The following GID4 variants were observed in gnomAD, a reference collection of about 807,000 sequenced individuals.
The protein encoded by GID4 is GID complex subunit 4 homolog.
Under a neutral mutation model 32.4 loss-of-function variants are expected in GID4, and 7 were observed. That is an observed-to-expected ratio of 0.22 (90% CI 0.12 to 0.41). The LOEUF (loss-of-function observed/expected upper bound fraction) is 0.41. Ranked by LOEUF, GID4 falls within the 10% of genes least tolerant of loss-of-function variation. The pLI is 1.00. For missense variants in GID4, 309 were observed against 400.0 expected (o/e 0.77, Z 1.94); for synonymous variants, 166 against 170.0 (o/e 0.98, Z 0.18).
chr17:18,039,501 C>T lies in GID4; in HGVS notation c.37C>T (p.Leu13Phe). Residue 13 changes from leucine to phenylalanine, a missense_variant, in exon 1 of 6, where the codon CTC (leucine) becomes TTC (phenylalanine). Leu to Phe is a conservative substitution (Grantham distance 22). Around this residue, in one of 2 missense-constraint regions of GID4, gnomAD observed 193 missense variants for 185.8 expected, o/e 1.04. Coordinates refer to ENST00000268719, the MANE Select transcript of GID4 (RefSeq NM_024052.5). This position sits in a 1 kb window ranked among gnomAD's most constrained non-coding sequence, Gnocchi z 5.3. ...AGGGCAAGTCGGGAGGGGGACCCAG[C>T]TCAGGACTGGGAGGCCCTGCTCGCA... ...ARGQVGRGTQ[L>F]RTGRPCSQVP... The T allele has an allele frequency of 1.5e-6, 2 of 1,332,914 alleles. No individual in the cohort carries two copies. Among genetic ancestry groups the T allele is most frequent in the South Asian group, 4.3e-5 (2 of 47,052 alleles). 82.6% of individuals were successfully genotyped at this position (1,332,914 alleles called of 1,614,324 possible).
At chr17:18,042,330 A>G (rs2044811014) in intron 1 of GID4, among the ~76,000 whole-genome samples, 1 of 152,070 alleles carries the variant, frequency 6.6e-6, no homozygotes, top group Non-Finnish European at 1.5e-5. Flanking sequence ...CCCCACTCCA[A>G]TCCTAGGCAA....
intron 5 of GID4, among the ~76,000 whole-genome samples, chr17:18,063,152 C>T (rs1489631480): frequency 7.5e-6 from 1 of 133,674 alleles, no homozygotes; most frequent in East Asian, 2.5e-4. Flanking sequence ...TAGCTCACGC[C>T]TGTAATCCCA....
chr17:18,049,234 G>T lies in GID4; in HGVS notation c.498+4028G>T, dbSNP rs368401160. Reference sequence around the variant, plus strand: ...ACCTGTAATCCCAGCTACTCAGGAGGCTGAGGCAAGAGAATCGCTTGAACC... The same window carrying T: ...ACCTGTAATCCCAGCTACTCAGGAGTCTGAGGCAAGAGAATCGCTTGAACC... On this transcript the variant is annotated intron_variant, in intron 2 of 5. Transcript: ENST00000268719. Among the ~76,000 whole-genome samples the T allele has an allele frequency of 3.4e-4, 51 of 151,536 alleles. No individual in the cohort carries two copies. In the East Asian group the frequency reaches 9.1e-3, roughly 27 times the overall value.
At chr17:18,052,193 A>G (rs898802909) in intron 2 of GID4, among the ~76,000 whole-genome samples, 4 of 152,076 alleles carry the variant, frequency 2.6e-5, no homozygotes, top group African/African-American at 9.7e-5. Context: ...TGAAGAATCC[A>G]GCAACAGTGT....
Position 18,039,683 on chromosome 17 carries a change from C to T in GID4, c.219C>T (p.Leu73=). The part of the protein sequence containing the change: ...SRAAAAVPLP[L]PPALAPGDPA... ...CGGCGGCGGCGGTTCCTCTCCCACT[C>T]CCCCCAGCCCTGGCTCCGGGGGACC... Residue 73 remains leucine, a synonymous_variant, in exon 1 of 6, where the codon CTC becomes CTT. Coordinates refer to ENST00000268719, the MANE Select transcript of GID4 (RefSeq NM_024052.5). This position sits in a 1 kb window ranked among gnomAD's most constrained non-coding sequence, Gnocchi z 5.3. 7.0e-7 allele frequency: 1 copy of T among 1,418,630 alleles called. No individual in the cohort carries two copies. Among genetic ancestry groups the T allele is most frequent in the Non-Finnish European group, 9.2e-7 (1 of 1,084,202 alleles). The allele number at this position is 1,418,630 out of a possible 1,614,324, so 87.9% of individuals were successfully genotyped here.
At chr17:18,042,639 A>G (rs1373332677) in intron 1 of GID4, among the ~76,000 whole-genome samples, 1 of 152,204 alleles carries the variant, frequency 6.6e-6, no homozygotes, top group Non-Finnish European at 1.5e-5. Context: ...ACAAGTTTTT[A>G]TGTGGATGTA....
intron 2 of GID4, among the ~76,000 whole-genome samples, chr17:18,049,891 A>G (rs1416799371): frequency 2.6e-5 from 4 of 152,080 alleles, no homozygotes. Flanking sequence ...CAGCCTCCCA[A>G]AGTGCTGGGA....
At chr17:18,042,452 C>T (rs2044812061) in intron 1 of GID4, among the ~76,000 whole-genome samples, 1 of 152,192 alleles carries the variant, frequency 6.6e-6, no homozygotes, top group South Asian at 2.1e-4. Context: ...CCTCAAGGTT[C>T]ATCCATATGG....
At chr17:18,041,286 CTTAGT>C (rs912478415) in intron 1 of GID4, among the ~76,000 whole-genome samples, 1 of 152,046 alleles carries the variant, frequency 6.6e-6, no homozygotes, top group Non-Finnish European at 1.5e-5. Flanking sequence ...TAAAACAAAT[CTTAGT>C]TTCACTTCTG....
rs1305917684 is a variant in GID4, at chr17:18,065,761, A to T, written c.*518A>T. 1 of 191,858 alleles carries T rather than the reference A, an allele frequency of 5.2e-6. No homozygotes were observed. The highest frequency in any genetic ancestry group is 1.1e-5 in the Non-Finnish European group (1 of 92,442). 11.9% of individuals were successfully genotyped at this position (191,858 alleles called of 1,614,324 possible). On this transcript the variant is annotated 3_prime_UTR_variant, in exon 6 of 6. Coordinates refer to ENST00000268719, the MANE Select transcript of GID4 (RefSeq NM_024052.5). Reference sequence around the variant, plus strand: ...TGCCGCATCATCGGCCACCAAGGGCACAAGAGGCGGAGGCTCCAGTCCCTG... The same window carrying T: ...TGCCGCATCATCGGCCACCAAGGGCTCAAGAGGCGGAGGCTCCAGTCCCTG...
chr17:18,056,693 C>T lies in GID4; in HGVS notation c.607-2175C>T. The T allele has an allele frequency of 2.6e-6, 4 of 1,542,064 alleles. No homozygotes were observed. The East Asian group carries it at 7.4e-5, about 28-fold the overall frequency. On this transcript the variant is annotated intron_variant, in intron 3 of 5. Coordinates refer to ENST00000268719, the MANE Select transcript of GID4 (RefSeq NM_024052.5). ...AAGCAACTCTTAATTTTCCCATTGA[C>T]TTCCGTTAGAACATTGGAAGATATC... is the stretch of plus-strand genomic sequence containing the variant.
chr17:18,057,152 C>T, intron 3 of GID4: 1 of 1,272,786 alleles, frequency 7.9e-7, no homozygotes, highest in East Asian at 2.5e-5. Flanking sequence ...CTATGTGACA[C>T]CAGGTGTGGT....
chr17:18,046,922 CAAAAAAAAAAAAA>C (rs71155311), intron 2 of GID4, among the ~76,000 whole-genome samples: 1 of 115,768 alleles, frequency 8.6e-6, no homozygotes, highest in African/African-American at 3.3e-5. Flanking sequence ...AACTTTGTCT[CAAAAAAAAAAAAA>C]AAAAAAAAAA....
intron 3 of GID4, among the ~76,000 whole-genome samples, chr17:18,055,797 T>C (rs533764214): frequency 6.7e-6 from 1 of 148,516 alleles, no homozygotes; most frequent in African/African-American, 2.5e-5. Context: ...CCTGTTTTTT[T>C]GGTTTTTCTT....
Position 18,039,443 on chromosome 17 carries a change from CTGTGAGTGTCTGTGTGTGTG to C in GID4, c.-20_-1del. The C allele has an allele frequency of 7.3e-7, 1 of 1,375,028 alleles. No homozygotes were observed. Among genetic ancestry groups the C allele is most frequent in the South Asian group, 1.7e-5 (1 of 59,206 alleles). 85.2% of individuals were successfully genotyped at this position (1,375,028 alleles called of 1,614,324 possible). On this transcript the variant is annotated 5_prime_UTR_variant, in exon 1 of 6. Transcript: ENST00000268719. The surrounding 1 kb of genome is among the most constrained non-coding windows in gnomAD (Gnocchi z 5.3). Reference sequence around the variant, plus strand: ...CTGTGTGTGTTTGTGTGTTGTGTGTCTGTGAGTGTCTGTGTGTGTGTATGTGTGCGCGAGGGCAAGTCGGG... The same window carrying C: ...CTGTGTGTGTTTGTGTGTTGTGTGTCTATGTGTGCGCGAGGGCAAGTCGGG...
At chr17:18,044,532 A>C (rs1331375679) in intron 1 of GID4, among the ~76,000 whole-genome samples, 1 of 152,226 alleles carries the variant, frequency 6.6e-6, no homozygotes, top group East Asian at 1.9e-4. Flanking sequence ...CACAGAGTGA[A>C]CATTCACAAT....
At position 18,048,514 on chromosome 17, in the gene GID4, G is replaced by A. The variant is rs551641929; in HGVS notation, c.498+3308G>A. 1.2e-4 allele frequency among the ~76,000 whole-genome samples: 18 copies of A among 152,246 alleles called. 1 individual carries two copies. Among genetic ancestry groups the A allele is most frequent in the Non-Finnish European group, 4.4e-5 (3 of 68,012 alleles). ...AGCCTGATAACTTTTAAAATTATAAGTCTAGTATATGGTTGCCGTAGATAA... is the reference window on the plus strand; with the variant it reads ...AGCCTGATAACTTTTAAAATTATAAATCTAGTATATGGTTGCCGTAGATAA... On this transcript the variant is annotated intron_variant, in intron 2 of 5. Transcript: ENST00000268719.
chr17:18,041,803 G>C (rs904553882), intron 1 of GID4, among the ~76,000 whole-genome samples: 2 of 152,182 alleles, frequency 1.3e-5, no homozygotes, highest in African/African-American at 4.8e-5. Flanking sequence ...CTGTCATTAG[G>C]GTATCACTTC....
rs945102470 is a variant in GID4, at chr17:18,067,283, G to A, written c.*2040G>A. The A allele has an allele frequency of 1.3e-5, 2 of 152,270 alleles. No individual in the cohort carries two copies. Among genetic ancestry groups the A allele is most frequent in the African/African-American group, 4.8e-5 (2 of 41,442 alleles). The allele number at this position is 152,270 out of a possible 1,614,324, so 9.4% of individuals were successfully genotyped here. A position where few individuals can be genotyped will look rare whatever the true frequency, so the allele number is the denominator to read the frequency against. Reference sequence around the variant, plus strand: ...GATATAGGCCTCCCCTTGGAGCACTGAGTCCGGAGGTCATCCCTGAGCTCA... The same window carrying A: ...GATATAGGCCTCCCCTTGGAGCACTAAGTCCGGAGGTCATCCCTGAGCTCA... On this transcript the variant is annotated 3_prime_UTR_variant, in exon 6 of 6. Transcript: ENST00000268719.
Sources: gnomAD v4.1 joint callset for allele counts (sites outside exome capture counted in the v4.1 genomes callset) on GRCh38, gnomAD v4.1.1 for gene constraint, gnomAD v4.1.1 regional missense constraint, Gnocchi (gnomAD v3.1) non-coding constraint, MANE v1.5 for transcripts, NCBI Gene and HGNC (gene_info 2026-07-23, HGNC 2026-07-21) for gene names.